STAMBP: variants seen among roughly 807,000 people sequenced by gnomAD.
The protein encoded by STAMBP is STAM binding protein.
Under a neutral mutation model 50.7 loss-of-function variants are expected in STAMBP, and 31 were observed. The observed-to-expected ratio is 0.61, with a 90% CI of 0.46 to 0.83. The LOEUF (loss-of-function observed/expected upper bound fraction) is 0.83, where lower values mean the gene tolerates loss of function less well. Ranked by LOEUF, STAMBP falls within the 40% of genes least tolerant of loss-of-function variation. The pLI, the probability that STAMBP is intolerant of heterozygous loss-of-function variation, is 0.00. For missense variants in STAMBP, 472 were observed against 518.9 expected (o/e 0.91, Z 0.88); for synonymous variants, 211 against 192.4 (o/e 1.10, Z -0.80).
At chr2:73,832,108 T>TATATATATATATATATGTATAC (rs1006072205) in intron 2 of STAMBP, among the ~76,000 whole-genome samples, 21 of 122,888 alleles carry the variant, frequency 1.7e-4, no homozygotes, top group Admixed American at 4.2e-4. Context: ...TATATATATA[T>TATATATATATATATATGTATAC]ACACATATAT....
rs1378704938 is a variant in STAMBP, at chr2:73,845,262, G to T, written c.375G>T (p.Lys125Asn). Residue 125 changes from lysine to asparagine, a missense_variant and splice_region_variant, in exon 4 of 10, where the codon AAG (lysine) becomes AAT (asparagine). Lys to Asn is a moderately conservative substitution (Grantham distance 94, BLOSUM62 0). Coordinates refer to ENST00000394070, the MANE Select transcript of STAMBP (RefSeq NM_213622.4). ...AATATACAGAATATAATGAAGAAAA[G>T]GTCAGTATATAACAGCTAAGAAGAA... ...TKEYTEYNEEKKKEAEELARN... is the reference protein window; with the variant it reads ...TKEYTEYNEENKKEAEELARN... 1 of 1,603,580 alleles carries T rather than the reference G, an allele frequency of 6.2e-7. No homozygotes were observed. The highest frequency in any genetic ancestry group is 8.5e-7 in the Non-Finnish European group (1 of 1,170,796).
intron 2 of STAMBP, among the ~76,000 whole-genome samples, chr2:73,839,458 G>A (rs922461444): frequency 1.3e-5 from 2 of 152,164 alleles, no homozygotes; most frequent in African/African-American, 4.8e-5. Context: ...AAAATGAACT[G>A]TCACCTGTGT....
chr2:73,855,386 G>A (rs6716302), intron 7 of STAMBP, among the ~76,000 whole-genome samples: 5,850 of 152,324 alleles, frequency 0.038, 377 homozygotes, highest in African/African-American at 0.13. Flanking sequence ...AAACTTGACT[G>A]TGAAAGGAAG....
In STAMBP at chr2:73,860,054, C is replaced by G. The variant is rs766748757; in HGVS notation, c.1121C>G (p.Thr374Ser). The change falls in exon 9 of 10, where the codon ACT (threonine) becomes AGT (serine). Residue 374 changes from threonine (T) to serine (S), a missense_variant and splice_region_variant. Physicochemically the swap from Thr to Ser is moderately conservative, Grantham distance 58 (BLOSUM62 1). Coordinates refer to ENST00000394070, the MANE Select transcript of STAMBP (RefSeq NM_213622.4). The part of the protein sequence containing the change: ...AIVCSPKFQE[T>S]GFFKLTDHGL... ...AGCCTGCCTTTTTTAAATTTCAGAA[C>G]TGGATTCTTTAAACTAACTGACCAT... The G allele has an allele frequency of 5.6e-6, 9 of 1,608,624 alleles. No individual in the cohort carries two copies. The East Asian group carries it at 1.6e-4, about 28-fold the overall frequency.
At chr2:73,848,543 A>C (rs1676413077) in intron 5 of STAMBP, among the ~76,000 whole-genome samples, 1 of 152,236 alleles carries the variant, frequency 6.6e-6, no homozygotes, top group African/African-American at 2.4e-5. Flanking sequence ...GCTATAACAG[A>C]ATACCTGAGG....
At chr2:73,860,261 C>A in intron 9 of STAMBP, 110 bp downstream of exon 9, 2 of 859,592 alleles carry the variant, frequency 2.3e-6, no homozygotes, top group Admixed American at 2.5e-5. Context: ...AGCTTTGTCA[C>A]TTACCTTGCC....
At chr2:73,852,825 C>G (rs1186776696) in intron 7 of STAMBP, among the ~76,000 whole-genome samples, 1 of 148,878 alleles carries the variant, frequency 6.7e-6, no homozygotes, top group Non-Finnish European at 1.5e-5. Flanking sequence ...TTACAGGTAC[C>G]CGCCACTATG....
intron 2 of STAMBP, among the ~76,000 whole-genome samples, chr2:73,843,433 T>A (rs959037341): frequency 1.4e-4 from 20 of 146,816 alleles, no homozygotes; most frequent in African/African-American, 4.5e-4. Flanking sequence ...TATATATATA[T>A]AAATTAAAAA....
Position 73,862,459 on chromosome 2 carries a change from A to G in STAMBP, c.*200A>G, listed in dbSNP as rs1678447804. On this transcript the variant is annotated 3_prime_UTR_variant, in exon 10 of 10. Coordinates refer to ENST00000394070, the MANE Select transcript of STAMBP (RefSeq NM_213622.4). ...TTTTTAGGCAAGTCAGAAAGAGAAC[A>G]TGGTCACCCAAAAGCAACTGTAACT... is the stretch of plus-strand genomic sequence containing the variant. The G allele has an allele frequency of 5.0e-6, 2 of 399,222 alleles. No individual in the cohort carries two copies. Among genetic ancestry groups the G allele is most frequent in the Admixed American group, 4.2e-5 (1 of 23,546 alleles). 24.7% of individuals were successfully genotyped at this position (399,222 alleles called of 1,614,324 possible).
At chr2:73,853,377 GTT>G (rs1312285045) in intron 7 of STAMBP, among the ~76,000 whole-genome samples, 1 of 152,186 alleles carries the variant, frequency 6.6e-6, no homozygotes, top group African/African-American at 2.4e-5. Flanking sequence ...GCTTGAACAT[GTT>G]TTGTTTTGAT....
At chr2:73,844,993 A>G (rs1675881490) in intron 3 of STAMBP, 105 bp downstream of exon 3, 2 of 1,529,618 alleles carry the variant, frequency 1.3e-6, no homozygotes, top group Non-Finnish European at 8.8e-7. Context: ...AGATCCTGCA[A>G]TAGGAGATAA....
chr2:73,830,208 C>T (rs1673725812), intron 1 of STAMBP, among the ~76,000 whole-genome samples: 1 of 152,190 alleles, frequency 6.6e-6, no homozygotes, highest in African/African-American at 2.4e-5. Context: ...ATTTAAGTCT[C>T]TTGCCATGAT....
chr2:73,845,438 C>G (rs1675942860), intron 4 of STAMBP, among the ~76,000 whole-genome samples, 176 bp downstream of exon 4: 1 of 152,142 alleles, frequency 6.6e-6, no homozygotes, highest in Non-Finnish European at 1.5e-5. Context: ...GGTTGTAACA[C>G]AGATATAGCC....
chr2:73,868,474 T>C (rs538334272), downstream of STAMBP, among the ~76,000 whole-genome samples: 47 of 152,120 alleles, frequency 3.1e-4, no homozygotes, highest in African/African-American at 1.1e-3. Flanking sequence ...TCCACTGATA[T>C]AATATATCAC....
rs958435686 is a variant in STAMBP at position 73,866,357 on chromosome 2, A to G, written c.*4098A>G. On this transcript the variant is annotated 3_prime_UTR_variant, in exon 10 of 10. Coordinates refer to ENST00000394070, the MANE Select transcript of STAMBP (RefSeq NM_213622.4). ...TGGCAACTATAGTCTGTTTCCCACA[A>G]TTTGTTGTGTGTGTTTTTTGTTGTT... 1.3e-5 allele frequency: 2 copies of G among 152,066 alleles called. No homozygotes were observed. The highest frequency in any genetic ancestry group is 4.8e-5 in the African/African-American group (2 of 41,404). 9.4% of individuals were successfully genotyped at this position (152,066 alleles called of 1,614,324 possible).
chr2:73,852,950 G>GTGTGTGTA, intron 7 of STAMBP, among the ~76,000 whole-genome samples: 1 of 147,304 alleles, frequency 6.8e-6, no homozygotes, highest in Non-Finnish European at 1.5e-5. Flanking sequence ...GTGTGTGTGT[G>GTGTGTGTA]TGTGTATTTT....
chr2:73,867,049 T>A lies in STAMBP; in HGVS notation c.*4790T>A, dbSNP rs2104750513. ...ATCCTGTTTGTTTATTGCTAGCTTA[T>A]GTGTCTAAAGTATACTCCTTGAGAA... is the stretch of plus-strand genomic sequence containing the variant. On this transcript the variant is annotated 3_prime_UTR_variant, in exon 10 of 10. Transcript: ENST00000394070. 6.6e-6 allele frequency: 1 copy of A among 152,374 alleles called. No individual in the cohort carries two copies. The highest frequency in any genetic ancestry group is 3.4e-3 in the Middle Eastern group (1 of 294). The allele number at this position is 152,374 out of a possible 1,614,324, so 9.4% of individuals were successfully genotyped here.
intron 7 of STAMBP, among the ~76,000 whole-genome samples, chr2:73,857,910 C>A (rs1430604669): frequency 6.6e-6 from 1 of 151,832 alleles, no homozygotes; most frequent in Non-Finnish European, 1.5e-5. Context: ...ATTTTCATCC[C>A]CTTCCCCTCT....
At chr2:73,840,330 C>G in intron 2 of STAMBP, among the ~76,000 whole-genome samples, 1 of 60,628 alleles carries the variant, frequency 1.6e-5, no homozygotes, top group East Asian at 4.8e-4. Context: ...TTTTTTTTTT[C>G]AGTTTTTTCT....
Sources: allele counts gnomAD v4.1 joint callset (sites outside exome capture counted in the v4.1 genomes callset), GRCh38; gene constraint gnomAD v4.1.1; transcripts MANE v1.5; gene names NCBI Gene and HGNC (gene_info 2026-07-23, HGNC 2026-07-21).